The following MORC1 variants were observed in gnomAD, a reference collection of about 807,000 sequenced individuals.
MORC1 encodes the protein MORC family CW-type zinc finger protein 1.
Under a neutral mutation model 134.9 loss-of-function variants are expected in MORC1, and 59 were observed. The ratio of observed to expected loss-of-function variants is 0.44; its 90% CI spans 0.35 to 0.54. The LOEUF (loss-of-function observed/expected upper bound fraction) is 0.54, where lower values mean the gene tolerates loss of function less well. MORC1 is among the 20% of genes least tolerant of loss of function. The pLI is 0.00. For missense variants in MORC1, 947 were observed against 1,134.5 expected (o/e 0.83, Z 2.37); for synonymous variants, 395 against 391.7 (o/e 1.01, Z -0.10).
intron 7 of MORC1, among the ~76,000 whole-genome samples, chr3:109,093,876 G>C (rs981618565): frequency 1.3e-5 from 2 of 152,104 alleles, no homozygotes; most frequent in African/African-American, 4.8e-5. Context: ...TTGTGTTATA[G>C]GTAAAGCTCT....
chr3:109,019,012 C>G (rs1057473175), intron 17 of MORC1: 2 of 152,216 alleles, frequency 1.3e-5, no homozygotes. Context: ...CGGTTCCATG[C>G]TCAGGAGAGA....
chr3:109,041,047 C>G (rs921239481), intron 14 of MORC1, among the ~76,000 whole-genome samples: 6 of 151,884 alleles, frequency 4.0e-5, no homozygotes, highest in Non-Finnish European at 8.8e-5. Context: ...TGTGGTGGCT[C>G]ACGCCTGTAA....
intron 11 of MORC1, among the ~76,000 whole-genome samples, chr3:109,061,095 C>T (rs1409933440): frequency 2.6e-5 from 4 of 151,966 alleles, no homozygotes; most frequent in Non-Finnish European, 4.4e-5. Context: ...TTACTCAGGA[C>T]CTTAGATATG....
chr3:109,042,611 T>G lies in MORC1; in HGVS notation c.1331-7143A>C, dbSNP rs1032020146. On this transcript the variant is annotated intron_variant, in intron 14 of 27. Transcript: ENST00000232603. ...TCCAAAGGAAATGAAATCAGTATGT[T>G]AAAGAGATACCTGCACACCCATATT... Among the ~76,000 whole-genome samples the G allele has an allele frequency of 2.0e-5, 3 of 152,160 alleles. No individual in the cohort carries two copies. In the South Asian group the frequency reaches 6.2e-4, roughly 32 times the overall value.
In MORC1 at chr3:109,101,818, TA is replaced by T. The variant is rs1406437698; in HGVS notation, c.224-1312del. Among the ~76,000 whole-genome samples the T allele has an allele frequency of 2.6e-5, 4 of 152,332 alleles. No individual in the cohort carries two copies. The Middle Eastern group carries it at 0.01, about 389-fold the overall frequency. ...GAGCAAATGTAAGTCTAAGGAGTTT[TA>T]AAAACCTGCCCAAGGTCACAGAGCT... On this transcript the variant is annotated intron_variant, in intron 4 of 27. Coordinates refer to ENST00000232603, the MANE Select transcript of MORC1 (RefSeq NM_014429.4).
At chr3:109,092,307 A>G (rs575364956) in intron 8 of MORC1, among the ~76,000 whole-genome samples, 209 of 152,356 alleles carry the variant, frequency 1.4e-3, no homozygotes, top group African/African-American at 3.7e-3. Context: ...GAAAAAACAT[A>G]CAACAGCAAT....
chr3:108,979,456 T>C, intron 24 of MORC1, 59 bp downstream of exon 24: 1 of 1,563,910 alleles, frequency 6.4e-7, no homozygotes, highest in Non-Finnish European at 8.7e-7. Context: ...ACAACAGGAG[T>C]TGTCACTGCT....
chr3:109,062,052 G>T lies in MORC1; in HGVS notation c.902C>A (p.Ser301Tyr), dbSNP rs750221559. The change falls in exon 11 of 28, where the codon TCC (serine) becomes TAC (tyrosine). Residue 301 changes from serine to tyrosine, a missense_variant. Coordinates refer to ENST00000232603, the MANE Select transcript of MORC1 (RefSeq NM_014429.4). Reference protein sequence around the residue: ...KAEEAVKIAESILKEAQIKVN... With the variant: ...KAEEAVKIAEYILKEAQIKVN... ...TTTGATTTGTGCTTCTTTCAATATG[G>T]ATTCAGCTGGAAGTAGAAGCCAAAT... The T allele has an allele frequency of 6.2e-7, 1 of 1,613,928 alleles. No homozygotes were observed. Among genetic ancestry groups the T allele is most frequent in the Non-Finnish European group, 8.5e-7 (1 of 1,179,910 alleles).
Position 109,094,934 on chromosome 3 carries a change from C to T in MORC1, c.558G>A (p.Gln186=), listed in dbSNP as rs1442499018. 8 of 1,579,166 alleles carry T rather than the reference C, an allele frequency of 5.1e-6. No individual in the cohort carries two copies. The highest frequency in any genetic ancestry group is 6.8e-6 in the Non-Finnish European group (8 of 1,170,466). The change falls in exon 7 of 28, where the codon CAG becomes CAA. Residue 186 remains glutamine (Q), a synonymous_variant. Transcript: ENST00000232603. ...PFKTEAELMQ[Q]FDVIYGKCGT... ...CACATTTTCCATAGATCACATCAAA[C>T]TGCTGCATCAATTCTGCTTCAGTTT... is the stretch of plus-strand genomic sequence containing the variant.
In MORC1 at chr3:109,000,521, A is replaced by C. The variant is rs998369052; in HGVS notation, c.2187+36T>G. On this transcript the variant is annotated intron_variant, in intron 21 of 27. Transcript: ENST00000232603. ...CCCTCTAATCTTTGTGAATATGAAA[A>C]TCTCAAGGTGTCATTTAGTGTATAG... The C allele has an allele frequency of 6.2e-6, 9 of 1,447,702 alleles. No homozygotes were observed. The African/African-American group carries it at 1.1e-4, about 18-fold the overall frequency. The allele number at this position is 1,447,702 out of a possible 1,614,324, so 89.7% of individuals were successfully genotyped here.
chr3:109,026,283 T>C (rs992817539), intron 17 of MORC1, among the ~76,000 whole-genome samples: 3 of 152,214 alleles, frequency 2.0e-5, no homozygotes, highest in Middle Eastern at 3.2e-3. Context: ...AGTGAATTTC[T>C]ATATAAGTAC....
chr3:109,051,194 A>C (rs1949816985), intron 14 of MORC1, among the ~76,000 whole-genome samples: 2 of 152,208 alleles, frequency 1.3e-5, no homozygotes, highest in Non-Finnish European at 2.9e-5. Flanking sequence ...GTAAATGTAG[A>C]TTTGATAAAT....
At position 108,970,117 on chromosome 3, in the gene MORC1, T is replaced by C. The variant is rs150873213; in HGVS notation, c.2551-395A>G. Among the ~76,000 whole-genome samples the C allele has an allele frequency of 4.6e-5, 7 of 152,030 alleles. No individual in the cohort carries two copies. The East Asian group carries it at 1.4e-3, about 29-fold the overall frequency. ...AGTCACTGGCATGTGGGGGGTAGTA[T>C]TAATATTTTAAAGTTAGAAATTAGA... On this transcript the variant is annotated intron_variant, in intron 25 of 27. Transcript: ENST00000232603.
At chr3:108,982,654 A>C (rs1425549619) in intron 23 of MORC1, among the ~76,000 whole-genome samples, 1 of 151,490 alleles carries the variant, frequency 6.6e-6, no homozygotes, top group Non-Finnish European at 1.5e-5. Context: ...GGGTGCAGCA[A>C]ACCAACATGG....
At chr3:109,019,619 G>A (rs866968366) in intron 17 of MORC1, among the ~76,000 whole-genome samples, 4 of 152,316 alleles carry the variant, frequency 2.6e-5, no homozygotes, top group African/African-American at 7.2e-5. Context: ...TCATGGTTCT[G>A]CAGTTTCCTA....
At chr3:109,070,582 A>G (rs981878427) in intron 8 of MORC1, among the ~76,000 whole-genome samples, 2 of 152,176 alleles carry the variant, frequency 1.3e-5, no homozygotes, top group East Asian at 3.9e-4. Context: ...GGTCACAGAA[A>G]AGGCTACTCC....
chr3:109,010,237 T>C (rs557797048), intron 17 of MORC1, among the ~76,000 whole-genome samples: 2 of 152,320 alleles, frequency 1.3e-5, no homozygotes, highest in Admixed American at 6.5e-5. Flanking sequence ...TAGGTAATAG[T>C]TGGTGACCTT....
intron 17 of MORC1, among the ~76,000 whole-genome samples, chr3:109,026,194 A>G (rs1283768408): frequency 6.6e-6 from 1 of 152,210 alleles, no homozygotes; most frequent in Non-Finnish European, 1.5e-5. Flanking sequence ...TCTTTTCACA[A>G]AAAGATTTTG....
chr3:109,092,019 C>T (rs1442871947), intron 8 of MORC1, among the ~76,000 whole-genome samples: 1 of 152,176 alleles, frequency 6.6e-6, no homozygotes, highest in Non-Finnish European at 1.5e-5. Flanking sequence ...AATGCCAAGG[C>T]ACTCTGACAG....
Sources: gnomAD v4.1 joint callset for allele counts (sites outside exome capture counted in the v4.1 genomes callset) on GRCh38, gnomAD v4.1.1 for gene constraint, MANE v1.5 for transcripts, NCBI Gene and HGNC (gene_info 2026-07-23, HGNC 2026-07-21) for gene names.